The following CHST11 variants were observed in gnomAD, a reference collection of about 807,000 sequenced individuals.
CHST11 encodes the protein C4S-1.
In CHST11, 9 loss-of-function variants were observed where a neutral mutation model predicts 30.4. That is an observed-to-expected ratio of 0.30 (90% CI 0.18 to 0.52). The LOEUF is 0.52. Among genes scored for constraint, CHST11 ranks in the 20% least tolerant of loss-of-function variants. The probability of loss-of-function intolerance (pLI) is 0.97; values close to 1 mark genes in which losing one functional copy is unlikely to be tolerated. For synonymous variants in CHST11, 152 were observed against 187.8 expected, an observed-to-expected ratio of 0.81 and a Z score of 1.56; for missense variants, 348 against 460.6, an observed-to-expected ratio of 0.76 and a Z score of 2.24.
In CHST11 at chr12:104,757,107, C is replaced by A. The variant is rs1414368138; in HGVS notation, c.363C>A (p.Cys121Ter). ...VVDEDHELIYCYVPKVACTNW... is the reference protein window; with the variant it reads ...VVDEDHELIY Reference sequence around the variant, plus strand: ...ATGAGGACCACGAGCTCATCTACTGCTACGTGCCCAAGGTGGCCTGCACCA... The same window carrying A: ...ATGAGGACCACGAGCTCATCTACTGATACGTGCCCAAGGTGGCCTGCACCA... The change falls in exon 3 of 3, where the codon TGC becomes TGA. Residue 121 changes from cysteine to a stop codon, truncating the protein, a stop_gained. Coordinates refer to ENST00000303694, the MANE Select transcript of CHST11 (RefSeq NM_018413.6). LOFTEE classifies it high-confidence loss of function. This position sits in a 1 kb window ranked among gnomAD's most constrained non-coding sequence, Gnocchi z 6.5. The A allele has an allele frequency of 1.2e-6, 2 of 1,614,120 alleles. No individual in the cohort carries two copies. Among genetic ancestry groups the A allele is most frequent in the Non-Finnish European group, 1.7e-6 (2 of 1,180,036 alleles).
chr12:104,704,547 CTT>C (rs1187153964), intron 2 of CHST11, among the ~76,000 whole-genome samples: 1 of 152,142 alleles, frequency 6.6e-6, no homozygotes, highest in African/African-American at 2.4e-5. Context: ...TGCTTGTGGC[CTT>C]TCTCTGCCTC....
intron 2 of CHST11, among the ~76,000 whole-genome samples, chr12:104,649,839 C>T (rs547056785): frequency 1.2e-4 from 19 of 152,194 alleles, no homozygotes; most frequent in Non-Finnish European, 2.4e-4. Context: ...ATGGTGAGCT[C>T]ACATAATAAA....
At chr12:104,564,098 C>A (rs1272419577) in intron 1 of CHST11, among the ~76,000 whole-genome samples, 5 of 152,134 alleles carry the variant, frequency 3.3e-5, no homozygotes, top group Non-Finnish European at 7.4e-5. Context: ...CCTGTTTCCC[C>A]CTAGTCTTCC....
chr12:104,702,584 A>T (rs1322058189), intron 2 of CHST11, among the ~76,000 whole-genome samples: 1 of 152,114 alleles, frequency 6.6e-6, no homozygotes, highest in African/African-American at 2.4e-5. Context: ...GATTCCTCAC[A>T]GTCCCTCAGG....
chr12:104,755,463 G>T (rs2040466941), intron 2 of CHST11, among the ~76,000 whole-genome samples: 1 of 152,116 alleles, frequency 6.6e-6, no homozygotes. Flanking sequence ...CACTTGTGTG[G>T]CAGGGGAGTG....
chr12:104,528,517 C>G (rs976771648), intron 1 of CHST11, among the ~76,000 whole-genome samples: 3 of 152,186 alleles, frequency 2.0e-5, no homozygotes, highest in African/African-American at 7.2e-5. Flanking sequence ...TCAGTAGAAC[C>G]ATCATGAGTT....
intron 1 of CHST11, among the ~76,000 whole-genome samples, chr12:104,562,508 C>T (rs940425864): frequency 6.6e-6 from 1 of 152,164 alleles, no homozygotes; most frequent in Non-Finnish European, 1.5e-5. Flanking sequence ...GAGCAAAACT[C>T]AAAAGTCTCC....
chr12:104,561,678 T>C (rs2136016935), intron 1 of CHST11, among the ~76,000 whole-genome samples: 1 of 152,354 alleles, frequency 6.6e-6, no homozygotes, highest in East Asian at 1.9e-4. Flanking sequence ...TCTTCTGTAT[T>C]ATTATTGTCA....
At chr12:104,730,093 G>A (rs889772937) in intron 2 of CHST11, among the ~76,000 whole-genome samples, 2 of 152,224 alleles carry the variant, frequency 1.3e-5, no homozygotes, top group African/African-American at 4.8e-5. Context: ...CAGTACTGGG[G>A]CCTCCGTCTA....
At position 104,572,757 on chromosome 12, in the gene CHST11, G is replaced by A. The variant is rs149851998; in HGVS notation, c.119-29149G>A. Reference sequence around the variant, plus strand: ...CTTAGGTATTTCTTGCCTTCTGCTAGCTTTTGAATGTGTTTGCTCTTGCTT... The same window carrying A: ...CTTAGGTATTTCTTGCCTTCTGCTAACTTTTGAATGTGTTTGCTCTTGCTT... On this transcript the variant is annotated intron_variant, in intron 1 of 2. Transcript: ENST00000303694. Among the ~76,000 whole-genome samples, 822 of 152,222 alleles carry A rather than the reference G, an allele frequency of 5.4e-3. 5 individuals are homozygous for A. The highest frequency in any genetic ancestry group is 0.018 in the African/African-American group (742 of 41,524).
intron 2 of CHST11, among the ~76,000 whole-genome samples, chr12:104,714,895 A>G (rs184796968): frequency 5.1e-4 from 77 of 152,316 alleles, no homozygotes; most frequent in Non-Finnish European, 8.8e-4. Flanking sequence ...TTCAAAGACC[A>G]TGGGCTAGAA....
chr12:104,748,054 CAGCCCAG>C (rs1412143859), intron 2 of CHST11, among the ~76,000 whole-genome samples: 1 of 152,196 alleles, frequency 6.6e-6, no homozygotes, highest in Non-Finnish European at 1.5e-5. Flanking sequence ...ATGCAGGACA[CAGCCCAG>C]AGCCCGGAGC....
chr12:104,533,927 G>C (rs187739921), intron 1 of CHST11, among the ~76,000 whole-genome samples: 1 of 152,300 alleles, frequency 6.6e-6, no homozygotes, highest in African/African-American at 2.4e-5. Flanking sequence ...CTGGGAAATT[G>C]AAGGCATTTA....
chr12:104,629,212 G>GT (rs1406792310), intron 2 of CHST11, among the ~76,000 whole-genome samples: 12 of 152,204 alleles, frequency 7.9e-5, no homozygotes, highest in Admixed American at 6.5e-4. Context: ...AAACTTAGCA[G>GT]TTTACGACAA....
At chr12:104,667,412 T>G (rs2136092557) in intron 2 of CHST11, among the ~76,000 whole-genome samples, 1 of 152,256 alleles carries the variant, frequency 6.6e-6, no homozygotes, top group South Asian at 2.1e-4. Flanking sequence ...CTGATCCGGC[T>G]CCAGATAAAT....
At chr12:104,678,494 T>A (rs2039763827) in intron 2 of CHST11, among the ~76,000 whole-genome samples, 4 of 152,258 alleles carry the variant, frequency 2.6e-5, no homozygotes, top group Admixed American at 2.6e-4. Flanking sequence ...ATGATTTAAT[T>A]CATTTAGTCT....
chr12:104,522,603 A>G (rs2038083634), intron 1 of CHST11, among the ~76,000 whole-genome samples: 2 of 152,070 alleles, frequency 1.3e-5, no homozygotes, highest in South Asian at 4.1e-4. Context: ...GATGGGCCCT[A>G]TGTTCCATCA....
rs148481125 is a variant in CHST11, at chr12:104,727,239, C to T, written c.205-29710C>T. Among the ~76,000 whole-genome samples the T allele has an allele frequency of 9.6e-4, 146 of 152,318 alleles. 4 individuals are homozygous for T. The East Asian group carries it at 0.022, about 23-fold the overall frequency. On this transcript the variant is annotated intron_variant, in intron 2 of 2. Transcript: ENST00000303694. ...TCTTGATTGGTTAAATTTTGTGTTG[C>T]ACCCCTCAGGGGCCTACATTCAAGA...
intron 1 of CHST11, among the ~76,000 whole-genome samples, chr12:104,558,592 G>A (rs1312889403): frequency 7.9e-6 from 1 of 126,422 alleles, no homozygotes; most frequent in African/African-American, 3.1e-5. Flanking sequence ...AGGCTGCAGT[G>A]CAGTGGCGCG....
Sources: allele counts gnomAD v4.1 joint callset (sites outside exome capture counted in the v4.1 genomes callset), GRCh38; gene constraint gnomAD v4.1.1; non-coding constraint Gnocchi (gnomAD v3.1); transcripts MANE v1.5; gene names NCBI Gene and HGNC (gene_info 2026-07-23, HGNC 2026-07-21).